DPP10: variants seen among roughly 807,000 people sequenced by gnomAD.
DPP10 encodes dipeptidyl peptidase like 10.
In DPP10, 33 loss-of-function variants were observed where a neutral mutation model predicts 120.9. The observed-to-expected ratio is 0.27, with a 90% CI of 0.21 to 0.37. DPP10 has a LOEUF of 0.37. Among genes scored for constraint, DPP10 ranks in the 10% least tolerant of loss-of-function variants. The pLI, the probability that DPP10 is intolerant of heterozygous loss-of-function variation, is 1.00. For synonymous variants in DPP10, 337 were observed against 326.1 expected (o/e 1.03, Z -0.36); for missense variants, 816 against 942.8 (o/e 0.87, Z 1.76).
chr2:115,834,795 G>A (rs1240050155), intron 21 of DPP10, among the ~76,000 whole-genome samples: 7 of 152,064 alleles, frequency 4.6e-5, no homozygotes, highest in African/African-American at 7.2e-5. Flanking sequence ...AGATTAACAG[G>A]AGAAAAACAA....
At chr2:114,442,972 C>G in intron 1 of DPP10, 134 bp downstream of exon 1, 1 of 1,104,942 alleles carries the variant, frequency 9.1e-7, no homozygotes, top group Non-Finnish European at 1.3e-6. Context: ...GGTTGAGTCA[C>G]AATAAAGCAT....
intron 2 of DPP10, among the ~76,000 whole-genome samples, chr2:115,310,419 A>T (rs1341550793): frequency 1.3e-5 from 2 of 152,154 alleles, no homozygotes; most frequent in East Asian, 3.9e-4. Flanking sequence ...TTCCAGTGAG[A>T]CACTTCGTGA....
chr2:115,538,947 A>G (rs1231110326), intron 5 of DPP10, among the ~76,000 whole-genome samples: 1 of 152,038 alleles, frequency 6.6e-6, no homozygotes, highest in Non-Finnish European at 1.5e-5. Context: ...TTTGGGATAT[A>G]CTGGGTTAAA....
intron 1 of DPP10, among the ~76,000 whole-genome samples, chr2:114,921,108 G>A (rs959227251): frequency 9.2e-5 from 14 of 152,172 alleles, no homozygotes; most frequent in African/African-American, 3.4e-4. Context: ...AAATCTTACA[G>A]TGATGTTGTA....
At chr2:114,864,848 G>A (rs1052539692) in intron 1 of DPP10, among the ~76,000 whole-genome samples, 2 of 151,528 alleles carry the variant, frequency 1.3e-5, no homozygotes, top group East Asian at 3.9e-4. Context: ...CTTTTCCATG[G>A]GTAGAACCTT....
intron 1 of DPP10, among the ~76,000 whole-genome samples, chr2:114,895,456 T>G (rs1479679501): frequency 6.6e-6 from 1 of 152,196 alleles, no homozygotes; most frequent in Admixed American, 6.5e-5. Context: ...ACAAGAGGTA[T>G]GTGGGTCACT....
At chr2:115,697,860 C>G (rs1451458567) in intron 7 of DPP10, among the ~76,000 whole-genome samples, 2 of 152,114 alleles carry the variant, frequency 1.3e-5, no homozygotes, top group Non-Finnish European at 2.9e-5. Context: ...TGGCGGGCGC[C>G]TGTAGTCCCA....
At chr2:115,412,135 C>T (rs899536003) in intron 3 of DPP10, among the ~76,000 whole-genome samples, 6 of 152,112 alleles carry the variant, frequency 3.9e-5, no homozygotes, top group African/African-American at 1.4e-4. Context: ...ACTCTAACTT[C>T]CAGATTTAAT....
chr2:115,219,276 A>G (rs774061835), intron 1 of DPP10, among the ~76,000 whole-genome samples: 3 of 152,132 alleles, frequency 2.0e-5, no homozygotes, highest in Non-Finnish European at 4.4e-5. Context: ...ATTCTCGAAA[A>G]TGAACAAAAT....
intron 1 of DPP10, among the ~76,000 whole-genome samples, chr2:114,898,730 G>A (rs990422666): frequency 1.3e-5 from 2 of 152,216 alleles, no homozygotes; most frequent in African/African-American, 2.4e-5. Flanking sequence ...TTCAATAGCT[G>A]ATTTCACAAG....
At chr2:115,415,840 TTTATATATATATA>T (rs1275757586) in intron 3 of DPP10, among the ~76,000 whole-genome samples, 1 of 83,400 alleles carries the variant, frequency 1.2e-5, no homozygotes, top group Non-Finnish European at 2.3e-5. Context: ...CTGATTTGCT[TTTATATATATATA>T]TATATATATA....
chr2:115,729,313 C>A (rs2092841795), intron 8 of DPP10, among the ~76,000 whole-genome samples: 1 of 152,130 alleles, frequency 6.6e-6, no homozygotes, highest in Non-Finnish European at 1.5e-5. Context: ...AAGACGTGCC[C>A]TTTTTCTTCA....
chr2:115,748,570 T>G lies in DPP10; in HGVS notation c.950+2387T>G, dbSNP rs536254200. Among the ~76,000 whole-genome samples, 172 of 152,236 alleles carry G rather than the reference T, an allele frequency of 1.1e-3. 1 individual carries two copies. The highest frequency in any genetic ancestry group is 1.9e-3 in the Non-Finnish European group (131 of 67,994). On this transcript the variant is annotated intron_variant, in intron 10 of 25. Coordinates refer to ENST00000410059, the MANE Select transcript of DPP10 (RefSeq NM_020868.6). ...AAACCAGATTCTCTGACCTCCACACTGGAGAACAACATTTTTTTGTTGTTT... is the reference window on the plus strand; with the variant it reads ...AAACCAGATTCTCTGACCTCCACACGGGAGAACAACATTTTTTTGTTGTTT...
chr2:114,907,441 A>G (rs902119764), intron 1 of DPP10, among the ~76,000 whole-genome samples: 3 of 152,000 alleles, frequency 2.0e-5, no homozygotes, highest in African/African-American at 4.8e-5. Context: ...TTACAGCTAT[A>G]TATTTATCTT....
At position 115,777,840 on chromosome 2, in the gene DPP10, C is replaced by A. The variant is rs781707992; in HGVS notation, c.1361+6C>A. The A allele has an allele frequency of 1.2e-6, 2 of 1,613,088 alleles. No homozygotes were observed. Among genetic ancestry groups the A allele is most frequent in the South Asian group, 2.2e-5 (2 of 91,064 alleles). ...AGAGGAAGGCAGCTGTACAGGTAAGCAGTGTGCAAGGATCTCCTTACACAG... is the reference window on the plus strand; with the variant it reads ...AGAGGAAGGCAGCTGTACAGGTAAGAAGTGTGCAAGGATCTCCTTACACAG... On this transcript the variant is annotated splice_donor_region_variant and intron_variant, in intron 15 of 25. Transcript: ENST00000410059.
At chr2:115,505,629 A>G (rs1330897693) in intron 4 of DPP10, among the ~76,000 whole-genome samples, 1 of 152,138 alleles carries the variant, frequency 6.6e-6, no homozygotes, top group African/African-American at 2.4e-5. Flanking sequence ...TTTGATGGAT[A>G]TTTCTGCCCT....
chr2:115,780,809 A>G lies in DPP10; in HGVS notation c.1362-65A>G, dbSNP rs1466710761. 3 of 1,456,436 alleles carry G rather than the reference A, an allele frequency of 2.1e-6. No homozygotes were observed. In the African/African-American group the frequency reaches 4.3e-5, roughly 21 times the overall value. The allele number at this position is 1,456,436 out of a possible 1,614,324, so 90.2% of individuals were successfully genotyped here. ...TTGTTTATATTATATTTAAATATGA[A>G]CACCACACATTCAAGTGCCTAGAAT... On this transcript the variant is annotated intron_variant, in intron 15 of 25. Transcript: ENST00000410059.
chr2:114,653,023 A>AGTGTGTGTGTGTGTGT (rs1307967017), intron 1 of DPP10, among the ~76,000 whole-genome samples: 20 of 102,628 alleles, frequency 1.9e-4, no homozygotes, highest in African/African-American at 9.4e-4. Flanking sequence ...AGAGAGAGAG[A>AGTGTGTGTGTGTGTGT]GAGAGTGTGT....
chr2:114,816,217 C>T (rs1039959301), intron 1 of DPP10, among the ~76,000 whole-genome samples: 1 of 152,136 alleles, frequency 6.6e-6, no homozygotes, highest in Non-Finnish European at 1.5e-5. Context: ...ATGTTCCTCC[C>T]CAAGGGCAAA....
Sources: gnomAD v4.1 joint callset for allele counts (sites outside exome capture counted in the v4.1 genomes callset) on GRCh38, gnomAD v4.1.1 for gene constraint, MANE v1.5 for transcripts, NCBI Gene and HGNC (gene_info 2026-07-23, HGNC 2026-07-21) for gene names.